GABRA3: variants seen among roughly 807,000 people sequenced by gnomAD.
GABRA3 encodes gamma-aminobutyric acid receptor subunit alpha-3.
Under a neutral mutation model 30.1 loss-of-function variants are expected in GABRA3, and 10 were observed. The ratio of observed to expected loss-of-function variants is 0.33; its 90% confidence interval spans 0.20 to 0.56. The LOEUF (loss-of-function observed/expected upper bound fraction) is 0.56. GABRA3 is among the 20% of genes least tolerant of loss of function. The probability of loss-of-function intolerance (pLI) is 0.89; values close to 1 mark genes in which losing one functional copy is unlikely to be tolerated. For synonymous variants in GABRA3, 151 were observed against 146.8 expected (o/e 1.03, Z -0.21); for missense variants, 233 against 392.0 (o/e 0.59, Z 3.42).
intron 2 of GABRA3, among the ~76,000 whole-genome samples, chrX:152,352,000 T>C (rs1940485817): frequency 9.0e-6 from 1 of 111,265 alleles, no homozygotes; most frequent in Admixed American, 9.6e-5. Flanking sequence ...ATGAGTGGAA[T>C]TCATGGTGCC....
intron 4 of GABRA3, among the ~76,000 whole-genome samples, chrX:152,277,736 G>C (rs776372494): frequency 8.9e-6 from 1 of 112,051 alleles, no homozygotes; most frequent in Non-Finnish European, 1.9e-5. Flanking sequence ...ACATCTTCCA[G>C]ATAATAAGCC....
intron 7 of GABRA3, among the ~76,000 whole-genome samples, chrX:152,207,332 A>G (rs1436092111): frequency 8.9e-6 from 1 of 111,958 alleles, no homozygotes; most frequent in Admixed American, 9.5e-5. Flanking sequence ...ATTTTGACGA[A>G]CATTCTAAGG....
intron 5 of GABRA3, among the ~76,000 whole-genome samples, chrX:152,237,752 C>A (rs1185175141): frequency 9.4e-6 from 1 of 106,018 alleles, no homozygotes; most frequent in Non-Finnish European, 1.9e-5. Flanking sequence ...CTCTTTGAAG[C>A]AATTGTGAAT....
chrX:152,226,710 C>A (rs1476244493), intron 5 of GABRA3, among the ~76,000 whole-genome samples: 8 of 111,202 alleles, frequency 7.2e-5, no homozygotes, highest in East Asian at 5.7e-4. Context: ...ACCCCATCAA[C>A]AAGTGGGCGA....
rs749345378 is a variant in GABRA3, at chrX:152,449,235, T to C, written c.-27+1911A>G. ...TTGGCTTATGATGGGGAATACTTTCTGACAATCAGAGTTGCTCCATGACAC... is the reference window on the plus strand; with the variant it reads ...TTGGCTTATGATGGGGAATACTTTCCGACAATCAGAGTTGCTCCATGACAC... On this transcript the variant is annotated intron_variant, in intron 1 of 9. Coordinates refer to ENST00000370314, the MANE Select transcript of GABRA3 (RefSeq NM_000808.4). Among the ~76,000 whole-genome samples, 3 of 112,404 alleles carry C rather than the reference T, an allele frequency of 2.7e-5. No homozygotes were observed. The East Asian group carries it at 8.4e-4, about 32-fold the overall frequency.
At chrX:152,408,897 T>C (rs779808288) in intron 1 of GABRA3, among the ~76,000 whole-genome samples, 55 of 111,927 alleles carry the variant, frequency 4.9e-4, no homozygotes, top group African/African-American at 1.7e-3. Context: ...ATAGAATAGA[T>C]AAATCAGATA....
At chrX:152,203,881 C>G (rs1937511616) in intron 7 of GABRA3, among the ~76,000 whole-genome samples, 1 of 111,814 alleles carries the variant, frequency 8.9e-6, no homozygotes, top group Admixed American at 9.5e-5. Context: ...CTTAATCCCC[C>G]CTTTCCATGT....
At chrX:152,235,278 T>G (rs748195369) in intron 5 of GABRA3, among the ~76,000 whole-genome samples, 83 of 111,984 alleles carry the variant, frequency 7.4e-4, no homozygotes, top group Middle Eastern at 4.6e-3. Context: ...TACTAGTATA[T>G]GGAAATGCTA....
chrX:152,168,432 G>A lies in GABRA3; in HGVS notation c.1275C>T (p.Ser425=). The stretch of plus-strand genomic sequence containing the variant: ...GTGAAGCAATGATTGTTGGGGTTGA[G>A]GAGGCACTGGGAGCAGCGCCCTTGG... ...TISKGAAPSA[S]STPTIIASPK... is the part of the protein sequence containing the mutation. The change falls in exon 10 of 10, where the codon TCC becomes TCT. Residue 425 remains serine, a synonymous_variant. Transcript: ENST00000370314. 1 of 1,211,926 alleles carries A rather than the reference G, an allele frequency of 8.3e-7. No individual in the cohort carries two copies. Among genetic ancestry groups the A allele is most frequent in the Non-Finnish European group, 1.1e-6 (1 of 895,511 alleles).
intron 1 of GABRA3, among the ~76,000 whole-genome samples, chrX:152,444,281 A>G (rs1017289494): frequency 6.3e-5 from 7 of 111,757 alleles, no homozygotes; most frequent in African/African-American, 1.6e-4. Context: ...TGTCTACTGT[A>G]TAAGTTTCTC....
chrX:152,379,973 G>T (rs189736632), intron 1 of GABRA3, among the ~76,000 whole-genome samples: 172 of 110,419 alleles, frequency 1.6e-3, no homozygotes, highest in African/African-American at 4.9e-3. Context: ...GAGTAGCTGG[G>T]ATTAGAGGCG....
intron 3 of GABRA3, among the ~76,000 whole-genome samples, chrX:152,293,908 C>A (rs372756635): frequency 2.9e-4 from 32 of 111,645 alleles, no homozygotes; most frequent in South Asian, 2.6e-3. Context: ...CTGGATATGA[C>A]ATTCTGGGTT....
intron 3 of GABRA3, among the ~76,000 whole-genome samples, chrX:152,316,547 C>G (rs150447635): frequency 3.3e-3 from 365 of 111,632 alleles, no homozygotes; most frequent in Admixed American, 8.2e-3. Flanking sequence ...ATCACCTAGG[C>G]ACATAGTCAT....
chrX:152,180,457 A>G (rs751928719), intron 9 of GABRA3, among the ~76,000 whole-genome samples: 1 of 111,596 alleles, frequency 9.0e-6, no homozygotes, highest in African/African-American at 3.3e-5. Context: ...CTCTTATTAG[A>G]TGGTTGGTTT....
chrX:152,441,706 A>C (rs140867559), intron 1 of GABRA3, among the ~76,000 whole-genome samples: 2,856 of 111,907 alleles, frequency 0.026, 101 homozygotes, highest in African/African-American at 0.088. Context: ...ACATATAAAA[A>C]TTAGGCAATG....
chrX:152,198,292 C>G (rs1419118679), intron 7 of GABRA3, among the ~76,000 whole-genome samples: 1 of 111,817 alleles, frequency 8.9e-6, no homozygotes, highest in African/African-American at 3.3e-5. Flanking sequence ...ACAGTTTATG[C>G]TTTTTAACCA....
chrX:152,445,443 T>A (rs1401773916), intron 1 of GABRA3, among the ~76,000 whole-genome samples: 1 of 111,351 alleles, frequency 9.0e-6, no homozygotes, highest in Non-Finnish European at 1.9e-5. Context: ...TTACTATATA[T>A]TTTACAATAC....
At chrX:152,251,183 C>A in intron 5 of GABRA3, 1 of 305,175 alleles carries the variant, frequency 3.3e-6, no homozygotes, top group Non-Finnish European at 6.4e-6. Flanking sequence ...TTCTGTAAAA[C>A]AGAATAAGCA....
At chrX:152,291,477 T>G (rs762332837) in intron 3 of GABRA3, among the ~76,000 whole-genome samples, 1 of 111,835 alleles carries the variant, frequency 8.9e-6, no homozygotes, top group Admixed American at 9.5e-5. Flanking sequence ...TTTGACTTCC[T>G]CTTTTCCTAA....
Sources: allele counts gnomAD v4.1 joint callset (sites outside exome capture counted in the v4.1 genomes callset), GRCh38; gene constraint gnomAD v4.1.1; transcripts MANE v1.5; gene names NCBI Gene and HGNC (gene_info 2026-07-23, HGNC 2026-07-21).